Variants in MYOM1 observed in about 807,000 individuals in gnomAD.
MYOM1 encodes the protein myomesin 1.
In MYOM1, 164 loss-of-function variants were observed where a neutral mutation model predicts 205.3. The observed-to-expected ratio is 0.80, with a 90% CI of 0.70 to 0.91. MYOM1 has a LOEUF of 0.91. MYOM1 is among the 40% of genes least tolerant of loss of function. The pLI, the probability that MYOM1 is intolerant of heterozygous loss-of-function variation, is 0.00. For missense variants in MYOM1, 2,011 were observed against 2,127.3 expected (o/e 0.95, Z 1.08); for synonymous variants, 772 against 789.4 (o/e 0.98, Z 0.37).
chr18:3,234,572 G>A, the MYOM1 span, among the ~76,000 whole-genome samples: 3 of 152,166 alleles, frequency 2.0e-5, no homozygotes, highest in African/African-American at 7.2e-5. Flanking sequence ...ATCCAGAGTC[G>A]TTTGGGGAGA....
At chr18:3,203,846 T>C (rs2081097359) in intron 2 of MYOM1, among the ~76,000 whole-genome samples, 1 of 151,380 alleles carries the variant, frequency 6.6e-6, no homozygotes. Context: ...TACAGACCAA[T>C]ATCCATCATA....
chr18:3,118,546 C>G (rs182209525), intron 20 of MYOM1, among the ~76,000 whole-genome samples: 1 of 152,160 alleles, frequency 6.6e-6, no homozygotes, highest in Non-Finnish European at 1.5e-5. Flanking sequence ...GTTGCCCAGC[C>G]TGGTCTTGAA....
chr18:3,150,665 C>T (rs1396472770), intron 12 of MYOM1, among the ~76,000 whole-genome samples: 1 of 152,140 alleles, frequency 6.6e-6, no homozygotes, highest in Non-Finnish European at 1.5e-5. Context: ...TGTTACTATC[C>T]AACTCTTCTC....
At chr18:3,174,673 C>T (rs1015707491) in intron 6 of MYOM1, among the ~76,000 whole-genome samples, 1 of 152,180 alleles carries the variant, frequency 6.6e-6, no homozygotes, top group Non-Finnish European at 1.5e-5. Context: ...TGGTGGGTTT[C>T]AGTCTGGGGG....
rs575240643 is a variant in MYOM1 at position 3,147,669 on chromosome 18, T to C, written c.1900+1476A>G. ...ATGGAAGGGGAAAAAAATTGACCAA[T>C]AGAGATTCCAGAAATTGATCCACAC... On this transcript the variant is annotated intron_variant, in intron 13 of 37. Coordinates refer to ENST00000356443, the MANE Select transcript of MYOM1 (RefSeq NM_003803.4). Among the ~76,000 whole-genome samples the C allele has an allele frequency of 9.9e-5, 15 of 152,122 alleles. No homozygotes were observed. The South Asian group carries it at 3.1e-3, about 32-fold the overall frequency.
At chr18:3,115,763 A>G (rs2079595828) in intron 21 of MYOM1, among the ~76,000 whole-genome samples, 1 of 152,154 alleles carries the variant, frequency 6.6e-6, no homozygotes, top group Non-Finnish European at 1.5e-5. Context: ...AGAGTTAGGA[A>G]ATGGTTCAAT....
chr18:3,104,941 C>T (rs993057888), intron 22 of MYOM1, among the ~76,000 whole-genome samples: 1 of 151,850 alleles, frequency 6.6e-6, no homozygotes, highest in East Asian at 1.9e-4. Context: ...TAGGGACAGG[C>T]TTTTGCCATG....
At position 3,127,305 on chromosome 18, in the gene MYOM1, A is replaced by ATATATATTT. The variant is rs56880961; in HGVS notation, c.2795-409_2795-408insAAATATATA. On this transcript the variant is annotated intron_variant, in intron 18 of 37. Coordinates refer to ENST00000356443, the MANE Select transcript of MYOM1 (RefSeq NM_003803.4). Reference sequence around the variant, plus strand: ...TCCATATATATATATATATATATATATTTTTTTTTTTTTTTTTTTTGAGCT... The same window carrying ATATATATTT: ...TCCATATATATATATATATATATATATATATATTTTTTTTTTTTTTTTTTTTTTTGAGCT... Among the ~76,000 whole-genome samples, 29 of 47,572 alleles carry ATATATATTT rather than the reference A, an allele frequency of 6.1e-4. 1 individual carries two copies. The highest frequency in any genetic ancestry group is 8.8e-4 in the South Asian group (1 of 1,138). 31.2% of individuals were successfully genotyped at this position (47,572 alleles called of 152,430 possible).
At chr18:3,147,686 G>A (rs1158114836) in intron 13 of MYOM1, among the ~76,000 whole-genome samples, 1 of 152,154 alleles carries the variant, frequency 6.6e-6, no homozygotes. Flanking sequence ...TCCAGAAATT[G>A]ATCCACACAT....
chr18:3,175,919 C>G (rs746376547), intron 6 of MYOM1, 123 bp downstream of exon 6: 1 of 644,022 alleles, frequency 1.6e-6, no homozygotes, highest in African/African-American at 1.8e-5. Context: ...GCACCGTATA[C>G]GAATGTCCCT....
chr18:3,205,356 AT>A (rs978174173), intron 2 of MYOM1, among the ~76,000 whole-genome samples: 46 of 152,282 alleles, frequency 3.0e-4, no homozygotes, highest in African/African-American at 1.1e-3. Flanking sequence ...AACCATTTAA[AT>A]AACTATGACA....
At chr18:3,233,996 C>A in the MYOM1 span, among the ~76,000 whole-genome samples, 1 of 152,178 alleles carries the variant, frequency 6.6e-6, no homozygotes, top group African/African-American at 2.4e-5. Flanking sequence ...TACAGACATG[C>A]GTCACATTCC....
At chr18:3,231,847 CTTTT>C in the MYOM1 span, among the ~76,000 whole-genome samples, 31 of 123,786 alleles carry the variant, frequency 2.5e-4, no homozygotes, top group East Asian at 4.7e-4. Flanking sequence ...CAGCCGCATC[CTTTT>C]TTTTTTTTTT....
intron 5 of MYOM1, among the ~76,000 whole-genome samples, chr18:3,182,018 G>C (rs2080740435): frequency 6.6e-6 from 1 of 152,158 alleles, no homozygotes; most frequent in Non-Finnish European, 1.5e-5. Context: ...ACAGGCGTGA[G>C]CCCTCGCGCC....
At chr18:3,192,000 G>A (rs1015859099) in intron 3 of MYOM1, among the ~76,000 whole-genome samples, 13 of 152,024 alleles carry the variant, frequency 8.6e-5, no homozygotes, top group Admixed American at 1.3e-4. Flanking sequence ...CTGGCCTCAC[G>A]TCTTCTTTTA....
intron 37 of MYOM1, among the ~76,000 whole-genome samples, chr18:3,069,523 C>G (rs2078937524): frequency 6.6e-6 from 1 of 152,066 alleles, no homozygotes. Context: ...TCTCCCATCA[C>G]TAATTAATAT....
At chr18:3,202,648 C>T (rs1320966440) in intron 2 of MYOM1, among the ~76,000 whole-genome samples, 8 of 151,654 alleles carry the variant, frequency 5.3e-5, no homozygotes, top group Non-Finnish European at 1.0e-4. Flanking sequence ...ACAACAGATC[C>T]CCAAAATACA....
Position 3,135,656 on chromosome 18 carries a change from A to C in MYOM1, c.2100T>G (p.Phe700Leu). The change falls in exon 15 of 38, where the codon TTT becomes TTG. Residue 700 changes from phenylalanine (F) to leucine (L), a missense_variant. Phe to Leu is a conservative substitution (Grantham distance 22). Transcript: ENST00000356443. This position sits in a 1 kb window ranked among gnomAD's most constrained non-coding sequence, Gnocchi z 4.1. ...LPVKSPRFAL[F>L]DLAEGKSYCF... ...AGTAGGATTTCCCCTCGGCCAAGTC[A>C]AACAGAGCAAAGCGGGGAGACTTCA... 6.2e-7 allele frequency: 1 copy of C among 1,614,004 alleles called. No homozygotes were observed. The highest frequency in any genetic ancestry group is 8.5e-7 in the Non-Finnish European group (1 of 1,179,882).
At chr18:3,229,144 C>T in the MYOM1 span, among the ~76,000 whole-genome samples, 1 of 152,202 alleles carries the variant, frequency 6.6e-6, no homozygotes, top group Non-Finnish European at 1.5e-5. Context: ...CTCTCTGTGA[C>T]TTCTTTTGAG....
Sources: gnomAD v4.1 joint callset for allele counts (sites outside exome capture counted in the v4.1 genomes callset) on GRCh38, gnomAD v4.1.1 for gene constraint, Gnocchi (gnomAD v3.1) non-coding constraint, MANE v1.5 for transcripts, NCBI Gene and HGNC (gene_info 2026-07-23, HGNC 2026-07-21) for gene names.